TMX3: variants seen among roughly 807,000 people sequenced by gnomAD.
The protein encoded by TMX3 is protein disulfide-isomerase TMX3.
In TMX3, 40 loss-of-function variants were observed where a neutral mutation model predicts 64.4. The observed-to-expected ratio is 0.62, with a 90% CI of 0.48 to 0.81. The LOEUF (loss-of-function observed/expected upper bound fraction) is 0.81, where lower values mean the gene tolerates loss of function less well. TMX3 is among the 30% of genes least tolerant of loss of function. The pLI is 0.00. For missense variants in TMX3, 497 were observed against 534.5 expected, an observed-to-expected ratio of 0.93 and a Z score of 0.69; for synonymous variants, 189 against 175.7, an observed-to-expected ratio of 1.08 and a Z score of -0.60.
intron 9 of TMX3, among the ~76,000 whole-genome samples, chr18:68,690,535 G>A: frequency 6.6e-6 from 1 of 152,148 alleles, no homozygotes; most frequent in South Asian, 2.1e-4. Flanking sequence ...CACGAAAGTA[G>A]GTATTTCAAA....
Position 68,715,082 on chromosome 18 carries a change from G to A in TMX3, c.-101C>T, listed in dbSNP as rs576171290. ...CGGAAAGGGAAACGGAGCCGACCCG[G>A]AGCGGAAGAGAAGCACCGCGCTAAC... is the stretch of plus-strand genomic sequence containing the variant. On this transcript the variant is annotated 5_prime_UTR_variant, in exon 1 of 16. Transcript: ENST00000299608. 4.6e-6 allele frequency: 7 copies of A among 1,537,186 alleles called. No individual in the cohort carries two copies. The highest frequency in any genetic ancestry group is 2.8e-5 in the African/African-American group (2 of 72,118).
At chr18:68,687,496 A>G (rs188469020) in intron 10 of TMX3, 171 bp downstream of exon 10, 28 of 985,346 alleles carry the variant, frequency 2.8e-5, no homozygotes, top group Non-Finnish European at 3.4e-5. Flanking sequence ...ATGCAAAGGT[A>G]TATCTTCTGG....
intron 8 of TMX3, chr18:68,696,893 C>CAT (rs1315766901): frequency 3.7e-5 from 8 of 218,952 alleles, no homozygotes; most frequent in African/African-American, 1.4e-4. Flanking sequence ...CACACACACA[C>CAT]ACACACATAC....
At chr18:68,679,427 T>C in intron 15 of TMX3, 36 bp downstream of exon 15, 2 of 1,546,214 alleles carry the variant, frequency 1.3e-6, no homozygotes, top group Non-Finnish European at 1.8e-6. Context: ...ACCTATATCT[T>C]CTTCATTATC....
chr18:68,690,217 A>G (rs1167269893), intron 9 of TMX3, among the ~76,000 whole-genome samples: 1 of 152,210 alleles, frequency 6.6e-6, no homozygotes, highest in Non-Finnish European at 1.5e-5. Context: ...AACACATTCT[A>G]GAATATTTCT....
At chr18:68,704,270 A>C (rs2030433665) in intron 4 of TMX3, among the ~76,000 whole-genome samples, 2 of 152,238 alleles carry the variant, frequency 1.3e-5, no homozygotes, top group African/African-American at 4.8e-5. Context: ...TAATGTGCAG[A>C]ATATTTTATA....
intron 4 of TMX3, among the ~76,000 whole-genome samples, chr18:68,706,062 T>C (rs1188685582): frequency 1.3e-5 from 2 of 152,214 alleles, no homozygotes; most frequent in African/African-American, 2.4e-5. Flanking sequence ...CCAAACTCAG[T>C]GTGCAGTGGA....
At position 68,691,331 on chromosome 18, in the gene TMX3, G is replaced by A; in HGVS notation, c.601C>T (p.Leu201Phe). ...AAGTAAGTTTCATCTTTGAAAACAA[G>A]CACAGCTGGCATCTCTTTTAGTGTC... The part of the protein sequence containing the change: ...YVTLKEMPAV[L>F]VFKDETYFVY... Residue 201 changes from leucine (L) to phenylalanine (F), a missense_variant, in exon 9 of 16, where the codon CTT (leucine) becomes TTT (phenylalanine). Transcript: ENST00000299608. 6.3e-7 allele frequency: 1 copy of A among 1,578,450 alleles called. No individual in the cohort carries two copies. The highest frequency in any genetic ancestry group is 8.6e-7 in the Non-Finnish European group (1 of 1,158,870).
intron 4 of TMX3, among the ~76,000 whole-genome samples, chr18:68,702,993 G>A (rs925443621): frequency 6.6e-6 from 1 of 152,178 alleles, no homozygotes; most frequent in African/African-American, 2.4e-5. Context: ...CTCAAGTTCT[G>A]AAGATACAGG....
rs2031128520 is a variant in TMX3 at position 68,710,151 on chromosome 18, T to C, written c.142-7A>G. 6.6e-7 allele frequency: 1 copy of C among 1,523,800 alleles called. No individual in the cohort carries two copies. Among genetic ancestry groups the C allele is most frequent in the East Asian group, 2.4e-5 (1 of 41,662 alleles). 94.4% of individuals were successfully genotyped at this position (1,523,800 alleles called of 1,614,324 possible). On this transcript the variant is annotated splice_region_variant and splice_polypyrimidine_tract_variant and intron_variant, in intron 3 of 15. Transcript: ENST00000299608. ...CACACCATGGCGCATAAAACTTGTT[T>C]TAAAAAAACAAACAACAAACAAAAA... is the stretch of plus-strand genomic sequence containing the variant.
rs1216211694 is a variant in TMX3, at chr18:68,676,824, T to C, written c.*109A>G. On this transcript the variant is annotated 3_prime_UTR_variant, in exon 16 of 16. Coordinates refer to ENST00000299608, the MANE Select transcript of TMX3 (RefSeq NM_019022.5). ...ATCCATGCAGTTGATATTAGCAAAA[T>C]ACGAATAACATGTTCTTTTCTGTAA... 4.3e-6 allele frequency: 6 copies of C among 1,380,226 alleles called. No homozygotes were observed. Among genetic ancestry groups the C allele is most frequent in the Admixed American group, 2.5e-5 (1 of 40,394 alleles). The allele number at this position is 1,380,226 out of a possible 1,614,324, so 85.5% of individuals were successfully genotyped here. A position where few individuals can be genotyped will look rare whatever the true frequency, so the allele number is the denominator to read the frequency against.
intron 5 of TMX3, 54 bp downstream of exon 5, chr18:68,701,691 T>G (rs755996689): frequency 3.1e-6 from 5 of 1,608,290 alleles, no homozygotes; most frequent in Admixed American, 3.3e-5. Flanking sequence ...TAATAAAATG[T>G]AAGTAGAGTG....
intron 7 of TMX3, 62 bp downstream of exon 7, chr18:68,697,870 T>G: frequency 9.3e-7 from 1 of 1,070,482 alleles, no homozygotes; most frequent in Non-Finnish European, 1.4e-6. Flanking sequence ...TAGTGAAGTC[T>G]TGATTATAGA....
chr18:68,684,356 T>C (rs894182998), intron 11 of TMX3, 72 bp downstream of exon 11: 1 of 1,509,382 alleles, frequency 6.6e-7, no homozygotes, highest in South Asian at 1.1e-5. Context: ...TAAGATACCA[T>C]ATCAAGTCTA....
At chr18:68,683,445 T>C (rs571204660) in intron 12 of TMX3, among the ~76,000 whole-genome samples, 2 of 152,298 alleles carry the variant, frequency 1.3e-5, no homozygotes, top group Admixed American at 1.3e-4. Flanking sequence ...TTTTTTATGA[T>C]AGCAACAATG....
intron 1 of TMX3, chr18:68,714,437 A>G (rs2145162311): frequency 6.2e-6 from 1 of 162,368 alleles, no homozygotes; most frequent in East Asian, 1.9e-4. Flanking sequence ...CTCCATGCTG[A>G]CGGGAGGCAG....
chr18:68,674,233 T>C lies in TMX3; in HGVS notation c.*2700A>G, dbSNP rs943910580. On this transcript the variant is annotated 3_prime_UTR_variant, in exon 16 of 16. Coordinates refer to ENST00000299608, the MANE Select transcript of TMX3 (RefSeq NM_019022.5). ...AAGAAAATGAAAATTCTAGGTCTAA[T>C]ACATGTTAAACAAGTTTCAGGTAAT... The C allele has an allele frequency of 1.3e-5, 2 of 152,146 alleles. No homozygotes were observed. The highest frequency in any genetic ancestry group is 2.4e-5 in the African/African-American group (1 of 41,452). 9.4% of individuals were successfully genotyped at this position (152,146 alleles called of 1,614,324 possible).
intron 9 of TMX3, among the ~76,000 whole-genome samples, chr18:68,690,538 A>C (rs1914414541): frequency 6.6e-6 from 1 of 152,186 alleles, no homozygotes; most frequent in South Asian, 2.1e-4. Flanking sequence ...GAAAGTAGGT[A>C]TTTCAAAATA....
chr18:68,712,562 C>A (rs1264541237), intron 2 of TMX3, among the ~76,000 whole-genome samples: 1 of 152,014 alleles, frequency 6.6e-6, no homozygotes, highest in African/African-American at 2.4e-5. Context: ...TAAAGGTCCC[C>A]TTTTTCAGCA....
Sources: gnomAD v4.1 joint callset for allele counts (sites outside exome capture counted in the v4.1 genomes callset) on GRCh38, gnomAD v4.1.1 for gene constraint, MANE v1.5 for transcripts, NCBI Gene and HGNC (gene_info 2026-07-23, HGNC 2026-07-21) for gene names.